CSGALNACT1: variants seen among roughly 807,000 people sequenced by gnomAD.
The protein encoded by CSGALNACT1 is beta4GalNAcT-1.
CSGALNACT1 carries 52 observed loss-of-function variants against 51.0 expected under a neutral mutation model. That is an observed-to-expected ratio of 1.02 (90% CI 0.82 to 1.29). CSGALNACT1 has a LOEUF of 1.29. Ranked by LOEUF, CSGALNACT1 falls within the 50% of genes most tolerant of loss-of-function variation. The pLI is 0.00. For missense variants in CSGALNACT1, 935 were observed against 679.2 expected (o/e 1.38, Z -4.19); for synonymous variants, 341 against 254.4 (o/e 1.34, Z -3.24).
At chr8:19,458,568 T>G in exon 5 of CSGALNACT1, 1 of 1,614,220 alleles carries the variant, frequency 6.2e-7, no homozygotes, top group Non-Finnish European at 8.5e-7. Context: ...ATGAGCCGTT[T>G]GAATTCGTGT....
intron 3 of CSGALNACT1, among the ~76,000 whole-genome samples, chr8:19,573,637 T>C (rs937120103): frequency 6.6e-6 from 1 of 152,004 alleles, no homozygotes. Context: ...AGATACAGGG[T>C]TTCACCATGT....
upstream of CSGALNACT1, chr8:19,683,043 T>G: frequency 3.9e-6 from 1 of 254,464 alleles, no homozygotes. Context: ...GACCGTGATT[T>G]GCCATTGCCA....
At chr8:19,682,531 C>A (rs2060697192) in exon 1 of CSGALNACT1, 1 of 418,340 alleles carries the variant, frequency 2.4e-6, no homozygotes, top group Non-Finnish European at 4.9e-6. Flanking sequence ...GACGTATGGT[C>A]TTTCCCGGTC....
chr8:19,496,660 C>T (rs929978065), intron 4 of CSGALNACT1, among the ~76,000 whole-genome samples: 2 of 152,160 alleles, frequency 1.3e-5, no homozygotes, highest in African/African-American at 4.8e-5. Flanking sequence ...ACGGAGCAAA[C>T]AGCTGGCTCA....
intron 1 of CSGALNACT1, among the ~76,000 whole-genome samples, chr8:19,732,041 T>C (rs1563164315): frequency 1.3e-5 from 2 of 152,248 alleles, no homozygotes; most frequent in Non-Finnish European, 2.9e-5. Context: ...GGCCAAATGC[T>C]TTCTTACAAT....
intron 4 of CSGALNACT1, among the ~76,000 whole-genome samples, chr8:19,469,308 T>C (rs745690060): frequency 6.6e-6 from 1 of 152,132 alleles, no homozygotes; most frequent in Non-Finnish European, 1.5e-5. Context: ...TGAGGATCCC[T>C]TGAGCCCAGG....
At chr8:19,437,740 C>A (rs1248459234) in intron 6 of CSGALNACT1, among the ~76,000 whole-genome samples, 1 of 152,134 alleles carries the variant, frequency 6.6e-6, no homozygotes, top group Non-Finnish European at 1.5e-5. Context: ...GTTAATTTTG[C>A]CAAAGTTTAC....
chr8:19,691,070 C>A (rs185233491), intron 1 of CSGALNACT1, among the ~76,000 whole-genome samples: 1 of 152,242 alleles, frequency 6.6e-6, no homozygotes, highest in Admixed American at 6.5e-5. Context: ...CAAGCTTGGA[C>A]AACAGAGTGA....
At chr8:19,685,574 A>G (rs1437272375), upstream of CSGALNACT1, among the ~76,000 whole-genome samples, 1 of 152,224 alleles carries the variant, frequency 6.6e-6, no homozygotes, top group Admixed American at 6.5e-5. Flanking sequence ...TTAGTGTTAC[A>G]TGGTTCTTTA....
intron 7 of CSGALNACT1, among the ~76,000 whole-genome samples, chr8:19,419,395 A>G (rs1207877188): frequency 7.2e-5 from 11 of 152,176 alleles, no homozygotes; most frequent in Admixed American, 6.5e-4. Flanking sequence ...ATCATCTTAA[A>G]TGGTTGACTT....
In CSGALNACT1 at chr8:19,743,240, A is replaced by G. The variant is rs142443688; in HGVS notation, c.-297+14610T>C. ...AAATCTATTAGTCCGATAACCATAC[A>G]TTACATGAAACGTATGGAGTGGAAG... On this transcript the variant is annotated intron_variant, in intron 1 of 1. Transcript: ENST00000517494. Among the ~76,000 whole-genome samples, 811 of 152,280 alleles carry G rather than the reference A, an allele frequency of 5.3e-3. 7 individuals carry two copies. Among genetic ancestry groups the G allele is most frequent in the African/African-American group, 0.019 (772 of 41,532 alleles).
intron 1 of CSGALNACT1, among the ~76,000 whole-genome samples, chr8:19,701,629 G>A (rs113467741): frequency 6.6e-6 from 1 of 152,184 alleles, no homozygotes; most frequent in African/African-American, 2.4e-5. Flanking sequence ...ACCCTACATA[G>A]ACAATTAAGT....
In CSGALNACT1 at chr8:19,425,791, G is replaced by A. The variant is rs1166758943; in HGVS notation, c.954-5273C>T. On this transcript the variant is annotated intron_variant, in intron 6 of 9. Coordinates refer to ENST00000454498, the Ensembl canonical transcript of CSGALNACT1. ...ATAACAGACGACTCACCAAGGTGTG[G>A]GCATGGCTGGGGCATCCTATCTTCT... Among the ~76,000 whole-genome samples, 3 of 152,224 alleles carry A rather than the reference G, an allele frequency of 2.0e-5. No homozygotes were observed. In the East Asian group the frequency reaches 5.8e-4, roughly 29 times the overall value.
intron 4 of CSGALNACT1, among the ~76,000 whole-genome samples, chr8:19,458,947 A>G (rs909203614): frequency 6.6e-6 from 1 of 152,240 alleles, no homozygotes; most frequent in East Asian, 1.9e-4. Flanking sequence ...AAACAGGCCA[A>G]AATAAGACTG....
At chr8:19,456,809 C>T (rs539622598) in intron 5 of CSGALNACT1, among the ~76,000 whole-genome samples, 5 of 152,198 alleles carry the variant, frequency 3.3e-5, no homozygotes, top group African/African-American at 7.2e-5. Context: ...AAGAAATTTA[C>T]GAACTAGGGA....
intron 4 of CSGALNACT1, among the ~76,000 whole-genome samples, chr8:19,463,618 T>C (rs999941269): frequency 2.0e-5 from 3 of 152,140 alleles, no homozygotes; most frequent in African/African-American, 7.2e-5. Context: ...CCCACAAACA[T>C]CTTCCTTGTC....
intron 4 of CSGALNACT1, among the ~76,000 whole-genome samples, chr8:19,503,693 T>C (rs1321881056): frequency 1.3e-5 from 2 of 152,174 alleles, no homozygotes; most frequent in African/African-American, 2.4e-5. Context: ...ATGATTCTAA[T>C]TTTGAACTCT....
intron 1 of CSGALNACT1, among the ~76,000 whole-genome samples, chr8:19,717,822 G>T (rs932410746): frequency 2.0e-5 from 3 of 152,146 alleles, no homozygotes; most frequent in African/African-American, 7.2e-5. Flanking sequence ...CTAGGCTCAG[G>T]CACTGTAACC....
At chr8:19,517,381 C>T (rs1450355913) in intron 3 of CSGALNACT1, among the ~76,000 whole-genome samples, 1 of 151,888 alleles carries the variant, frequency 6.6e-6, no homozygotes, top group Non-Finnish European at 1.5e-5. Flanking sequence ...CAGAGGTTGC[C>T]GTGAGCCGAG....
Sources: gnomAD v4.1 joint callset for allele counts (sites outside exome capture counted in the v4.1 genomes callset) on GRCh38, gnomAD v4.1.1 for gene constraint, MANE v1.5 for transcripts, NCBI Gene and HGNC (gene_info 2026-07-23, HGNC 2026-07-21) for gene names.